F13A1: variants seen among roughly 807,000 people sequenced by gnomAD.
The protein encoded by F13A1 is FSF, A subunit.
F13A1 carries 47 observed loss-of-function variants against 80.1 expected under a neutral mutation model. That is an observed-to-expected ratio of 0.59 (90% CI 0.46 to 0.75). F13A1 has a LOEUF of 0.75. Among genes scored for constraint, F13A1 ranks in the 30% least tolerant of loss-of-function variants. F13A1 has a pLI of 0.00. For missense variants in F13A1, 817 were observed against 930.4 expected, an observed-to-expected ratio of 0.88 and a Z score of 1.59; for synonymous variants, 349 against 344.9, an observed-to-expected ratio of 1.01 and a Z score of -0.13.
chr6:6,212,590 A>T (rs1761638171), intron 8 of F13A1, among the ~76,000 whole-genome samples: 1 of 152,264 alleles, frequency 6.6e-6, no homozygotes, highest in Admixed American at 6.5e-5. Flanking sequence ...AAAACAGAGC[A>T]GAAAAACTGG....
At chr6:6,188,183 T>G (rs1761116177) in intron 10 of F13A1, among the ~76,000 whole-genome samples, 1 of 152,246 alleles carries the variant, frequency 6.6e-6, no homozygotes, top group South Asian at 2.1e-4. Flanking sequence ...AGCTCCTGGA[T>G]TCACTAATTT....
chr6:6,275,996 C>T (rs1479343008), intron 3 of F13A1, among the ~76,000 whole-genome samples: 2 of 152,214 alleles, frequency 1.3e-5, no homozygotes, highest in Admixed American at 6.5e-5. Context: ...GATTTGTTCA[C>T]GTTGCCCATT....
intron 2 of F13A1, 163 bp from the exon 3 acceptor site, chr6:6,305,702 G>T (rs1002548592): frequency 7.5e-6 from 5 of 668,562 alleles, no homozygotes; most frequent in Non-Finnish European, 1.3e-5. Context: ...TCGAGAGTCA[G>T]CCTCTTGTGA....
At chr6:6,185,009 G>A (rs1450159518) in intron 10 of F13A1, among the ~76,000 whole-genome samples, 1 of 152,146 alleles carries the variant, frequency 6.6e-6, no homozygotes. Context: ...AGCATGGAAT[G>A]ATTGGCCCCA....
chr6:6,291,426 T>G (rs953622015), intron 3 of F13A1, among the ~76,000 whole-genome samples: 2 of 152,072 alleles, frequency 1.3e-5, no homozygotes, highest in African/African-American at 4.8e-5. Context: ...CCACCCAAAT[T>G]TTCTTTTCCT....
At chr6:6,262,603 C>A (rs1159636848) in intron 4 of F13A1, among the ~76,000 whole-genome samples, 1 of 152,012 alleles carries the variant, frequency 6.6e-6, no homozygotes, top group African/African-American at 2.4e-5. Flanking sequence ...GTAATAAGTT[C>A]ACCTTCTACC....
At chr6:6,173,515 C>T (rs1427020846) in intron 12 of F13A1, among the ~76,000 whole-genome samples, 1 of 151,218 alleles carries the variant, frequency 6.6e-6, no homozygotes, top group Non-Finnish European at 1.5e-5. Flanking sequence ...TCGAGCAATT[C>T]TCCTGCCTCA....
chr6:6,194,778 T>C (rs1319010975), intron 10 of F13A1, among the ~76,000 whole-genome samples: 1 of 152,242 alleles, frequency 6.6e-6, no homozygotes, highest in African/African-American at 2.4e-5. Flanking sequence ...TGTACATTAA[T>C]AATAACTATT....
chr6:6,222,642 A>G lies in F13A1; in HGVS notation c.974-471T>C, dbSNP rs3024414. Among the ~76,000 whole-genome samples the G allele has an allele frequency of 2.0e-3, 302 of 152,282 alleles. 3 individuals are homozygous for G. The highest frequency in any genetic ancestry group is 7.1e-3 in the African/African-American group (293 of 41,548). ...TGACACCACAGATTCATTTTAGTTCATTTTAATAGATAACAAATTATCTGA... is the reference window on the plus strand; with the variant it reads ...TGACACCACAGATTCATTTTAGTTCGTTTTAATAGATAACAAATTATCTGA... On this transcript the variant is annotated intron_variant, in intron 7 of 14. Transcript: ENST00000264870.
chr6:6,255,105 C>T (rs547649886), intron 4 of F13A1, among the ~76,000 whole-genome samples: 1 of 152,246 alleles, frequency 6.6e-6, no homozygotes, highest in South Asian at 2.1e-4. Flanking sequence ...TTGAATTAAA[C>T]CTTGTTCCCT....
intron 6 of F13A1, among the ~76,000 whole-genome samples, chr6:6,238,661 T>C (rs1312173763): frequency 6.6e-6 from 1 of 150,560 alleles, no homozygotes; most frequent in Non-Finnish European, 1.5e-5. Context: ...TATAACTTAA[T>C]AATAAAAGTA....
intron 4 of F13A1, among the ~76,000 whole-genome samples, chr6:6,254,424 A>T (rs1431756437): frequency 6.6e-6 from 1 of 152,186 alleles, no homozygotes; most frequent in Non-Finnish European, 1.5e-5. Flanking sequence ...ACAACATGAT[A>T]TGACCATACC....
At chr6:6,300,820 G>GTT (rs534147712) in intron 3 of F13A1, among the ~76,000 whole-genome samples, 7,298 of 146,818 alleles carry the variant, frequency 0.05, 206 homozygotes, top group Middle Eastern at 0.11. Flanking sequence ...ATTCTCGTCT[G>GTT]TTTTTTTTTT....
At chr6:6,157,668 T>C (rs1458217943) in intron 13 of F13A1, among the ~76,000 whole-genome samples, 1 of 152,232 alleles carries the variant, frequency 6.6e-6, no homozygotes. Context: ...GGCCTTGATA[T>C]ATATTACTTG....
intron 3 of F13A1, among the ~76,000 whole-genome samples, chr6:6,281,779 G>A (rs1758068592): frequency 6.6e-6 from 1 of 151,968 alleles, no homozygotes; most frequent in Non-Finnish European, 1.5e-5. Flanking sequence ...AGATCACGAG[G>A]TCAGGAGATC....
At chr6:6,158,202 C>T (rs1450234752) in intron 13 of F13A1, among the ~76,000 whole-genome samples, 1 of 152,060 alleles carries the variant, frequency 6.6e-6, no homozygotes, top group Admixed American at 6.5e-5. Context: ...CCACAAATAA[C>T]CTGAAACAGT....
chr6:6,249,582 G>C lies in F13A1; in HGVS notation c.691-1163C>G, dbSNP rs531349431. The stretch of plus-strand genomic sequence containing the variant: ...GCCTACCCAAAGGCAAGCTGGCGAA[G>C]AGTGCCCTGACTGGGCTTGGGACAC... On this transcript the variant is annotated intron_variant, in intron 5 of 14. Coordinates refer to ENST00000264870, the MANE Select transcript of F13A1 (RefSeq NM_000129.4). 6.6e-5 allele frequency among the ~76,000 whole-genome samples: 10 copies of C among 152,340 alleles called. No homozygotes were observed. The East Asian group carries it at 1.9e-3, about 29-fold the overall frequency.
intron 7 of F13A1, among the ~76,000 whole-genome samples, chr6:6,223,527 C>A (rs1213668476): frequency 2.6e-5 from 4 of 152,192 alleles, no homozygotes; most frequent in African/African-American, 9.7e-5. Flanking sequence ...CTATCTGGAA[C>A]TTCAGAGACC....
chr6:6,208,391 T>C (rs1055028749), intron 8 of F13A1, among the ~76,000 whole-genome samples: 1 of 151,974 alleles, frequency 6.6e-6, no homozygotes, highest in African/African-American at 2.4e-5. Flanking sequence ...CAGAAACAGG[T>C]GAGATGTTAC....
Sources: gnomAD v4.1 joint callset for allele counts (sites outside exome capture counted in the v4.1 genomes callset) on GRCh38, gnomAD v4.1.1 for gene constraint, MANE v1.5 for transcripts, NCBI Gene and HGNC (gene_info 2026-07-23, HGNC 2026-07-21) for gene names.